The following APBA1 variants were observed in gnomAD, a reference collection of about 807,000 sequenced individuals.
APBA1 encodes the protein amyloid-beta A4 precursor protein-binding family A member 1.
Under a neutral mutation model 86.6 loss-of-function variants are expected in APBA1, and 55 were observed. The ratio of observed to expected loss-of-function variants is 0.64; its 90% confidence interval spans 0.51 to 0.80. The LOEUF is 0.80. APBA1 is among the 30% of genes least tolerant of loss of function. The probability of loss-of-function intolerance (pLI) is 0.00; values close to 1 mark genes in which losing one functional copy is unlikely to be tolerated. For missense variants in APBA1, 1,090 were observed against 1,183.0 expected (o/e 0.92, Z 1.15); for synonymous variants, 511 against 493.9 (o/e 1.03, Z -0.46).
At chr9:69,561,543 TGTTAGA>T (rs1214256202) in intron 1 of APBA1, among the ~76,000 whole-genome samples, 1 of 152,044 alleles carries the variant, frequency 6.6e-6, no homozygotes, top group East Asian at 1.9e-4. Flanking sequence ...AATCAACATC[TGTTAGA>T]GTTCAGAAGT....
At chr9:69,636,816 AGAGAGAGAGAGAGAGG>A (rs1181177519) in intron 1 of APBA1, among the ~76,000 whole-genome samples, 50 of 25,036 alleles carry the variant, frequency 2.0e-3, no homozygotes, top group African/African-American at 5.2e-3. Context: ...AGAGAGAGAG[AGAGAGAGAGAGAGAGG>A]GAGGGAGGGA....
At chr9:69,511,986 G>T (rs917327306) in intron 2 of APBA1, among the ~76,000 whole-genome samples, 5 of 151,828 alleles carry the variant, frequency 3.3e-5, no homozygotes, top group African/African-American at 1.2e-4. Flanking sequence ...TGACGAGTTA[G>T]TGGGTGCAGC....
chr9:69,470,630 C>T lies in APBA1; in HGVS notation c.1336+1026G>A, dbSNP rs571120328. Among the ~76,000 whole-genome samples, 25 of 152,318 alleles carry T rather than the reference C, an allele frequency of 1.6e-4. No individual in the cohort carries two copies. In the South Asian group the frequency reaches 4.6e-3, roughly 28 times the overall value. On this transcript the variant is annotated intron_variant, in intron 4 of 12. Transcript: ENST00000265381. ...CCAAGGGTTCATGAAGGTTTATGAGCCCTGGTAACCCTTTCCCAGGCAGTG... is the reference window on the plus strand; with the variant it reads ...CCAAGGGTTCATGAAGGTTTATGAGTCCTGGTAACCCTTTCCCAGGCAGTG...
chr9:69,523,346 A>G (rs1836282495), intron 1 of APBA1, among the ~76,000 whole-genome samples: 1 of 151,722 alleles, frequency 6.6e-6, no homozygotes. Context: ...AGCAAAAGGC[A>G]TCATACCATC....
chr9:69,665,998 A>T (rs1387597550), intron 1 of APBA1, among the ~76,000 whole-genome samples: 2 of 152,206 alleles, frequency 1.3e-5, no homozygotes, highest in Non-Finnish European at 2.9e-5. Flanking sequence ...AGCCTCCCAA[A>T]GTGCTGGGAT....
chr9:69,572,430 C>A (rs1321038381), intron 1 of APBA1, among the ~76,000 whole-genome samples: 1 of 152,188 alleles, frequency 6.6e-6, no homozygotes, highest in South Asian at 2.1e-4. Flanking sequence ...CTACTCCTTC[C>A]CCAGTCACCT....
At chr9:69,569,552 C>G (rs560008946) in intron 1 of APBA1, among the ~76,000 whole-genome samples, 1 of 151,848 alleles carries the variant, frequency 6.6e-6, no homozygotes, top group Admixed American at 6.6e-5. Flanking sequence ...GTCCCACACA[C>G]AAAGAATTGT....
At chr9:69,644,771 G>GC (rs773448034) in intron 1 of APBA1, among the ~76,000 whole-genome samples, 35 of 152,188 alleles carry the variant, frequency 2.3e-4, no homozygotes, top group Non-Finnish European at 4.6e-4. Context: ...ACACCCCTTG[G>GC]AAGCAGACTT....
chr9:69,573,478 A>T (rs1012687622), intron 1 of APBA1, among the ~76,000 whole-genome samples: 39 of 152,330 alleles, frequency 2.6e-4, no homozygotes, highest in African/African-American at 9.4e-4. Context: ...AGTAAAATAA[A>T]ATACAATTTA....
At chr9:69,496,337 GTCTC>G (rs1421935418) in intron 2 of APBA1, among the ~76,000 whole-genome samples, 1 of 152,022 alleles carries the variant, frequency 6.6e-6, no homozygotes, top group African/African-American at 2.4e-5. Context: ...ATGCTGACAG[GTCTC>G]TCTGTGAGCC....
intron 1 of APBA1, among the ~76,000 whole-genome samples, chr9:69,558,561 C>CATATATAT (rs371494520): frequency 2.1e-4 from 30 of 142,816 alleles, no homozygotes; most frequent in African/African-American, 6.7e-4. Context: ...CACACACACA[C>CATATATAT]ATATATATAT....
chr9:69,591,047 GGGA>G (rs1822118881), intron 1 of APBA1, among the ~76,000 whole-genome samples: 1 of 152,172 alleles, frequency 6.6e-6, no homozygotes, highest in Admixed American at 6.5e-5. Context: ...CCCAAACTGT[GGGA>G]GGAGGTGAAA....
intron 5 of APBA1, among the ~76,000 whole-genome samples, chr9:69,458,919 G>A (rs1392442702): frequency 6.6e-6 from 1 of 151,812 alleles, no homozygotes; most frequent in Non-Finnish European, 1.5e-5. Context: ...AGATTCTCCT[G>A]CCTCAGCCTC....
Position 69,456,446 on chromosome 9 carries a change from G to C in APBA1, c.1603-14C>G, listed in dbSNP as rs763433932. The C allele has an allele frequency of 3.8e-6, 6 of 1,572,584 alleles. No individual in the cohort carries two copies. The highest frequency in any genetic ancestry group is 1.7e-6 in the Non-Finnish European group (2 of 1,158,364). On this transcript the variant is annotated splice_polypyrimidine_tract_variant and intron_variant, in intron 7 of 12. Transcript: ENST00000265381. ...CATCATTGTCTCCTGGAGGCAGGAA[G>C]AGAGGGCGGGTAAGTCCAGCTCAGC... is the stretch of plus-strand genomic sequence containing the variant.
intron 1 of APBA1, among the ~76,000 whole-genome samples, chr9:69,659,250 A>C (rs1440155003): frequency 6.6e-6 from 1 of 152,216 alleles, no homozygotes; most frequent in East Asian, 1.9e-4. Context: ...GAAGGGAGTG[A>C]TCAACATAAA....
intron 1 of APBA1, among the ~76,000 whole-genome samples, chr9:69,575,499 C>T (rs1178114219): frequency 2.6e-5 from 4 of 152,034 alleles, no homozygotes; most frequent in East Asian, 1.9e-4. Context: ...GTACTGGTAC[C>T]AAAACAGAGA....
chr9:69,469,440 A>G (rs1241310822), intron 4 of APBA1, among the ~76,000 whole-genome samples: 1 of 152,226 alleles, frequency 6.6e-6, no homozygotes, highest in Non-Finnish European at 1.5e-5. Flanking sequence ...CTTGAAACAG[A>G]GAAATTAAAA....
chr9:69,435,206 T>C lies in APBA1; in HGVS notation c.2302-2530A>G, dbSNP rs1454169258. Among the ~76,000 whole-genome samples, 10 of 152,266 alleles carry C rather than the reference T, an allele frequency of 6.6e-5. No homozygotes were observed. The East Asian group carries it at 1.9e-3, about 29-fold the overall frequency. The stretch of plus-strand genomic sequence containing the variant: ...ATCTAGTCTATCATTGTTGGACATT[T>C]GGGTTGGTTCCAAGTCTTTGCTATT... On this transcript the variant is annotated intron_variant, in intron 11 of 12. Transcript: ENST00000265381.
intron 1 of APBA1, among the ~76,000 whole-genome samples, chr9:69,619,585 C>T (rs1037730611): frequency 6.6e-6 from 1 of 152,202 alleles, no homozygotes; most frequent in Non-Finnish European, 1.5e-5. Flanking sequence ...ATCATTATTA[C>T]CATTGTCTCA....
Sources: allele counts gnomAD v4.1 joint callset (sites outside exome capture counted in the v4.1 genomes callset), GRCh38; gene constraint gnomAD v4.1.1; transcripts MANE v1.5; gene names NCBI Gene and HGNC (gene_info 2026-07-23, HGNC 2026-07-21).